Variants in GRIA4 observed in about 807,000 individuals in gnomAD.
The protein encoded by GRIA4 is glutamate receptor 4.
Under a neutral mutation model 104.0 loss-of-function variants are expected in GRIA4, and 34 were observed. The ratio of observed to expected loss-of-function variants is 0.33; its 90% CI spans 0.25 to 0.44. The LOEUF is 0.44. GRIA4 is among the 20% of genes least tolerant of loss of function. GRIA4 has a pLI of 1.00. For missense variants in GRIA4, 750 were observed against 1,096.5 expected, an observed-to-expected ratio of 0.68 and a Z score of 4.46; for synonymous variants, 386 against 381.9, an observed-to-expected ratio of 1.01 and a Z score of -0.13.
chr11:105,979,532 G>A, intron 16 of GRIA4, 43 bp from the exon 17 acceptor site: 1 of 1,571,066 alleles, frequency 6.4e-7, no homozygotes, highest in Non-Finnish European at 8.8e-7. Flanking sequence ...CAGAAATATG[G>A]TAACACTCCG....
chr11:105,814,480 C>A (rs1943298325), intron 4 of GRIA4, among the ~76,000 whole-genome samples: 1 of 152,114 alleles, frequency 6.6e-6, no homozygotes, highest in African/African-American at 2.4e-5. Context: ...TATTCTGCAG[C>A]AAATGTTGTT....
At chr11:105,924,837 CT>C in intron 12 of GRIA4, 68 bp downstream of exon 12, 1 of 1,184,870 alleles carries the variant, frequency 8.4e-7, no homozygotes. Context: ...CAGATTATCT[CT>C]CTACATGTTC....
intron 3 of GRIA4, among the ~76,000 whole-genome samples, chr11:105,700,766 C>T (rs973818837): frequency 1.1e-4 from 17 of 152,066 alleles, no homozygotes; most frequent in Non-Finnish European, 1.6e-4. Context: ...TTCAAGCCAC[C>T]GTCAACTCTT....
intron 3 of GRIA4, among the ~76,000 whole-genome samples, chr11:105,671,520 T>C (rs1425416410): frequency 1.3e-5 from 2 of 150,798 alleles, no homozygotes; most frequent in Non-Finnish European, 3.0e-5. Context: ...CTACTAAAAA[T>C]ACAAAAAATT....
chr11:105,672,923 A>T (rs1318715538), intron 3 of GRIA4, among the ~76,000 whole-genome samples: 2 of 152,102 alleles, frequency 1.3e-5, no homozygotes, highest in East Asian at 1.9e-4. Flanking sequence ...TTTTATTTTT[A>T]AAATTTTATT....
At chr11:105,636,454 T>C (rs765062845) in intron 3 of GRIA4, among the ~76,000 whole-genome samples, 10 of 152,208 alleles carry the variant, frequency 6.6e-5, no homozygotes, top group Non-Finnish European at 1.0e-4. Context: ...TTCCTTACCC[T>C]ACCTGACACA....
At chr11:105,953,337 G>C (rs17104770) in intron 14 of GRIA4, among the ~76,000 whole-genome samples, 54,215 of 151,912 alleles carry the variant, frequency 0.36, 9,802 homozygotes, top group Non-Finnish European at 0.39. Flanking sequence ...CAGAGTTCTG[G>C]GGTTGTTGTA....
intron 6 of GRIA4, among the ~76,000 whole-genome samples, chr11:105,895,252 C>CATGT (rs141480761): frequency 3.4e-5 from 5 of 148,864 alleles, no homozygotes; most frequent in African/African-American, 9.9e-5. Flanking sequence ...CGAGCTCATG[C>CATGT]GTGTGTGTGT....
chr11:105,621,065 AG>A (rs2135272350), intron 3 of GRIA4, among the ~76,000 whole-genome samples: 1 of 151,952 alleles, frequency 6.6e-6, no homozygotes, highest in Non-Finnish European at 1.5e-5. Context: ...ATGTTATGTT[AG>A]AAATAAAAGA....
At chr11:105,902,958 G>T (rs1470103496) in intron 7 of GRIA4, among the ~76,000 whole-genome samples, 2 of 152,106 alleles carry the variant, frequency 1.3e-5, no homozygotes, top group Non-Finnish European at 2.9e-5. Context: ...TCTACCACAA[G>T]CGATCCCATG....
At chr11:105,851,580 T>G (rs115623628) in intron 4 of GRIA4, among the ~76,000 whole-genome samples, 342 of 152,284 alleles carry the variant, frequency 2.2e-3, no homozygotes, top group African/African-American at 7.9e-3. Flanking sequence ...AAGCTGAGAC[T>G]TAAAGAAAGA....
At chr11:105,625,349 A>T (rs1950860374) in intron 3 of GRIA4, among the ~76,000 whole-genome samples, 1 of 152,124 alleles carries the variant, frequency 6.6e-6, no homozygotes, top group South Asian at 2.1e-4. Context: ...TTGGATATCT[A>T]TAACAACAAA....
At chr11:105,951,480 A>C (rs1363939480) in intron 14 of GRIA4, among the ~76,000 whole-genome samples, 1 of 152,226 alleles carries the variant, frequency 6.6e-6, no homozygotes, top group Non-Finnish European at 1.5e-5. Flanking sequence ...TTTCATATGT[A>C]TAATTTGAGC....
At chr11:105,927,991 C>T (rs1947764020) in intron 13 of GRIA4, among the ~76,000 whole-genome samples, 1 of 151,982 alleles carries the variant, frequency 6.6e-6, no homozygotes. Context: ...TGCCTACATA[C>T]AGCACTTGAG....
At chr11:105,817,843 A>G (rs1348664460) in intron 4 of GRIA4, among the ~76,000 whole-genome samples, 1 of 152,134 alleles carries the variant, frequency 6.6e-6, no homozygotes, top group Non-Finnish European at 1.5e-5. Flanking sequence ...ACAACATAGG[A>G]ATCTGTAAGC....
intron 11 of GRIA4, among the ~76,000 whole-genome samples, chr11:105,921,306 G>GTGT (rs1947552359): frequency 3.6e-5 from 5 of 138,768 alleles, no homozygotes; most frequent in Non-Finnish European, 3.1e-5. Context: ...ACCACACTTG[G>GTGT]GTGTGTGTGT....
chr11:105,664,444 T>C (rs1014354701), intron 3 of GRIA4, among the ~76,000 whole-genome samples: 1 of 150,602 alleles, frequency 6.6e-6, no homozygotes, highest in African/African-American at 2.4e-5. Flanking sequence ...CAGAATAATG[T>C]GTTTGATTTA....
At chr11:105,829,600 C>A (rs661148) in intron 4 of GRIA4, among the ~76,000 whole-genome samples, 25,806 of 151,670 alleles carry the variant, frequency 0.17, 2,575 homozygotes, top group African/African-American at 0.27. Context: ...TCCTAGTGCC[C>A]GAGGGACCAC....
rs757424686 is a variant in GRIA4, at chr11:105,974,382, G to T, written c.2482G>T (p.Ala828Ser). 5.1e-5 allele frequency: 82 copies of T among 1,613,846 alleles called. No homozygotes were observed. Among genetic ancestry groups the T allele is most frequent in the Non-Finnish European group, 6.6e-5 (78 of 1,179,894 alleles). Residue 828 changes from alanine to serine, a missense_variant, in exon 16 of 17, where the codon GCA becomes TCA. This residue lies in a region of GRIA4 where 272 missense variants were observed against 524.5 expected (regional missense o/e 0.52). Coordinates refer to ENST00000282499, the MANE Select transcript of GRIA4 (RefSeq NM_000829.4). ...CATTCTGGTTGGCGGCTTGGGCTTG[G>T]CAATGCTGGTGGCTTTGATAGAGTT... ...FYILVGGLGL[A>S]MLVALIEFCY...
Sources: allele counts gnomAD v4.1 joint callset (sites outside exome capture counted in the v4.1 genomes callset), GRCh38; gene constraint gnomAD v4.1.1; regional missense constraint gnomAD v4.1.1; transcripts MANE v1.5; gene names NCBI Gene and HGNC (gene_info 2026-07-23, HGNC 2026-07-21).